The following TMED10 variants were observed in gnomAD, a reference collection of about 807,000 sequenced individuals.
TMED10 encodes transmembrane p24 trafficking protein 10, also known as transmembrane emp24 domain-containing protein 10.
A neutral mutation model predicts 23.1 loss-of-function variants in TMED10; 7 were observed. The observed-to-expected ratio is 0.30, with a 90% confidence interval of 0.17 to 0.57. TMED10 has a LOEUF of 0.57. Ranked by LOEUF, TMED10 falls within the 20% of genes least tolerant of loss-of-function variation. TMED10 has a pLI of 0.91. For synonymous variants in TMED10, 113 were observed against 106.9 expected (o/e 1.06, Z -0.35); for missense variants, 162 against 274.8 (o/e 0.59, Z 2.90).
chr14:75,169,338 A>C (rs1172658177), intron 1 of TMED10, among the ~76,000 whole-genome samples: 2 of 152,230 alleles, frequency 1.3e-5, no homozygotes, highest in Non-Finnish European at 2.9e-5. Context: ...CAGATTAACC[A>C]AGGCACTATA....
intron 1 of TMED10, among the ~76,000 whole-genome samples, chr14:75,159,686 A>G (rs949766255): frequency 5.3e-5 from 8 of 152,222 alleles, no homozygotes; most frequent in Non-Finnish European, 8.8e-5. Context: ...TCATTGCTAA[A>G]AGTACCTTAC....
At chr14:75,171,070 T>C (rs1036070429) in intron 1 of TMED10, among the ~76,000 whole-genome samples, 1 of 152,084 alleles carries the variant, frequency 6.6e-6, no homozygotes, top group Non-Finnish European at 1.5e-5. Context: ...CAGATGTGAT[T>C]AAATCAGATT....
intron 2 of TMED10, among the ~76,000 whole-genome samples, chr14:75,149,973 C>T (rs965420193): frequency 3.9e-4 from 60 of 152,070 alleles, no homozygotes; most frequent in African/African-American, 1.4e-3. Flanking sequence ...CGCAGTGGTG[C>T]GTGCCTGTAG....
intron 1 of TMED10, among the ~76,000 whole-genome samples, chr14:75,172,509 C>T (rs553638335): frequency 1.6e-4 from 25 of 152,094 alleles, no homozygotes; most frequent in African/African-American, 4.1e-4. Flanking sequence ...GGGGTTTCAC[C>T]GTGTTGGTCA....
intron 1 of TMED10, among the ~76,000 whole-genome samples, chr14:75,160,320 T>C (rs139354087): frequency 3.3e-5 from 5 of 152,242 alleles, no homozygotes; most frequent in Non-Finnish European, 5.9e-5. Context: ...ACCAGGTAGC[T>C]AAAATTAGGG....
chr14:75,149,479 C>T (rs1437691316), intron 2 of TMED10, among the ~76,000 whole-genome samples: 1 of 114,034 alleles, frequency 8.8e-6, no homozygotes, highest in East Asian at 2.6e-4. Flanking sequence ...TTTATACCCA[C>T]TCTGCGATGT....
intron 1 of TMED10, among the ~76,000 whole-genome samples, chr14:75,165,560 A>C (rs1360992434): frequency 6.6e-6 from 1 of 152,204 alleles, no homozygotes; most frequent in African/African-American, 2.4e-5. Flanking sequence ...ACTGTATCTC[A>C]AAAACGAAAA....
At chr14:75,164,403 T>G (rs1896123755) in intron 1 of TMED10, among the ~76,000 whole-genome samples, 3 of 150,142 alleles carry the variant, frequency 2.0e-5, no homozygotes, top group Admixed American at 1.3e-4. Flanking sequence ...GGCTAATTTT[T>G]TATTTTTTAA....
Position 75,134,986 on chromosome 14 carries a change from G to A in TMED10, c.559C>T (p.Leu187=). Residue 187 remains leucine, a synonymous_variant, in exon 5 of 5, where the codon CTA becomes TTA. Transcript: ENST00000303575. ...DTNESTNTRV[L]YFSIFSMFCL... ...AACATTGAAAAGATGCTGAAGTATA[G>A]GACCCGAGTGTTTGTTGACTCTAAA... is the stretch of plus-strand genomic sequence containing the variant. 6.2e-7 allele frequency: 1 copy of A among 1,613,962 alleles called. No individual in the cohort carries two copies. Among genetic ancestry groups the A allele is most frequent in the Non-Finnish European group, 8.5e-7 (1 of 1,179,948 alleles).
intron 2 of TMED10, among the ~76,000 whole-genome samples, chr14:75,149,849 A>C (rs142832058): frequency 0.47 from 71,546 of 151,934 alleles, 17,311 homozygotes; most frequent in Middle Eastern, 0.56. Flanking sequence ...TCATGCCTGT[A>C]ATCCCAGCAC....
intron 1 of TMED10, among the ~76,000 whole-genome samples, chr14:75,164,721 C>T (rs1896140146): frequency 6.8e-6 from 1 of 147,526 alleles, no homozygotes; most frequent in Admixed American, 7.0e-5. Flanking sequence ...CCATCTCTGG[C>T]CCATTAACCA....
At chr14:75,173,901 T>C (rs1417733653) in intron 1 of TMED10, among the ~76,000 whole-genome samples, 1 of 152,174 alleles carries the variant, frequency 6.6e-6, no homozygotes, top group Non-Finnish European at 1.5e-5. Context: ...CAGCTAATTT[T>C]TGTATTTTTA....
At chr14:75,168,152 C>T (rs1896187711) in intron 1 of TMED10, among the ~76,000 whole-genome samples, 1 of 152,102 alleles carries the variant, frequency 6.6e-6, no homozygotes, top group South Asian at 2.1e-4. Context: ...TCAGAAAGGC[C>T]TCCCCTGACC....
chr14:75,152,568 C>G (rs1479781471), intron 1 of TMED10, among the ~76,000 whole-genome samples: 2 of 152,116 alleles, frequency 1.3e-5, no homozygotes, highest in African/African-American at 4.8e-5. Context: ...TTCTATAAAA[C>G]AAATTTGATG....
At chr14:75,165,262 CTGT>C (rs960258256) in intron 1 of TMED10, among the ~76,000 whole-genome samples, 1 of 152,110 alleles carries the variant, frequency 6.6e-6, no homozygotes, top group Non-Finnish European at 1.5e-5. Context: ...CAGTCTCACG[CTGT>C]TGCCCAGGCT....
intron 1 of TMED10, among the ~76,000 whole-genome samples, chr14:75,158,900 G>C (rs1172409728): frequency 2.0e-5 from 3 of 151,844 alleles, no homozygotes; most frequent in Non-Finnish European, 2.9e-5. Context: ...CTCTAGCCTG[G>C]GCAACAAGAG....
At position 75,169,288 on chromosome 14, in the gene TMED10, G is replaced by T. The variant is rs186770461; in HGVS notation, c.225+7067C>A. Among the ~76,000 whole-genome samples the T allele has an allele frequency of 1.8e-3, 274 of 152,312 alleles. 1 individual carries two copies. Among genetic ancestry groups the T allele is most frequent in the Non-Finnish European group, 3.3e-3 (223 of 68,030 alleles). On this transcript the variant is annotated intron_variant, in intron 1 of 4. Transcript: ENST00000303575. ...TATGATAACATAGGTGCATTCACTG[G>T]ATACTGAGATGTTCCTAGACAGAAA...
intron 2 of TMED10, among the ~76,000 whole-genome samples, chr14:75,150,982 A>C (rs1895949029): frequency 6.6e-6 from 1 of 152,102 alleles, no homozygotes; most frequent in Non-Finnish European, 1.5e-5. Context: ...GGCTCACTGC[A>C]ATCTCTGCCT....
chr14:75,148,726 T>A (rs1054615480), intron 2 of TMED10, among the ~76,000 whole-genome samples: 8 of 152,174 alleles, frequency 5.3e-5, no homozygotes, highest in African/African-American at 1.9e-4. Flanking sequence ...CACTGGAAGT[T>A]TTCTGAAATG....
Sources: allele counts gnomAD v4.1 joint callset (sites outside exome capture counted in the v4.1 genomes callset), GRCh38; gene constraint gnomAD v4.1.1; transcripts MANE v1.5; gene names NCBI Gene and HGNC (gene_info 2026-07-23, HGNC 2026-07-21).